Variants in STK3 observed in about 807,000 individuals in gnomAD.
STK3 encodes serine/threonine-protein kinase 3.
In STK3, 41 loss-of-function variants were observed where a neutral mutation model predicts 58.0. That is an observed-to-expected ratio of 0.71 (90% CI 0.55 to 0.92). The LOEUF is 0.92. Ranked by LOEUF, STK3 falls within the 40% of genes least tolerant of loss-of-function variation. The pLI, the probability that STK3 is intolerant of heterozygous loss-of-function variation, is 0.00. For missense variants in STK3, 479 were observed against 602.7 expected, an observed-to-expected ratio of 0.79 and a Z score of 2.15; for synonymous variants, 170 against 191.0, an observed-to-expected ratio of 0.89 and a Z score of 0.91.
intron 1 of STK3, among the ~76,000 whole-genome samples, chr8:98,900,788 A>G (rs977672917): frequency 6.6e-6 from 1 of 151,400 alleles, no homozygotes; most frequent in Non-Finnish European, 1.5e-5. Context: ...CAGCCTCCCA[A>G]GTAGCTGGGA....
intron 10 of STK3, among the ~76,000 whole-genome samples, chr8:98,459,001 G>A (rs1819723356): frequency 6.6e-6 from 1 of 152,174 alleles, no homozygotes; most frequent in South Asian, 2.1e-4. Flanking sequence ...AAATGTGGAA[G>A]CAACTTTGGA....
At chr8:98,852,143 T>C (rs1836494542) in intron 3 of STK3, among the ~76,000 whole-genome samples, 2 of 148,056 alleles carry the variant, frequency 1.4e-5, no homozygotes, top group South Asian at 4.2e-4. Flanking sequence ...CTAATTTTCT[T>C]TTTTTTTTTT....
intron 1 of STK3, chr8:98,778,877 T>C (rs1831900430): frequency 3.3e-5 from 5 of 151,876 alleles, no homozygotes; most frequent in Admixed American, 6.6e-5. Context: ...CCGGGGACGG[T>C]TGTGGGGTGG....
At chr8:98,885,332 G>A (rs544351872) in intron 1 of STK3, among the ~76,000 whole-genome samples, 1 of 152,328 alleles carries the variant, frequency 6.6e-6, no homozygotes. Flanking sequence ...TAGCCATATG[G>A]AAGCCAAACT....
At chr8:98,587,053 T>C (rs1404776804) in intron 7 of STK3, among the ~76,000 whole-genome samples, 1 of 152,154 alleles carries the variant, frequency 6.6e-6, no homozygotes, top group African/African-American at 2.4e-5. Context: ...AACCAGCTCC[T>C]GGATTCGTTA....
At chr8:98,563,286 T>C (rs536336986) in intron 8 of STK3, among the ~76,000 whole-genome samples, 11 of 152,222 alleles carry the variant, frequency 7.2e-5, no homozygotes, top group East Asian at 3.9e-4. Flanking sequence ...TTTCTCACCA[T>C]TGGAGTTGTA....
At chr8:98,859,322 A>G (rs1158146758) in intron 3 of STK3, among the ~76,000 whole-genome samples, 1 of 152,242 alleles carries the variant, frequency 6.6e-6, no homozygotes, top group Non-Finnish European at 1.5e-5. Flanking sequence ...TGAAAATGAT[A>G]CTACATTTTT....
intron 6 of STK3, among the ~76,000 whole-genome samples, chr8:98,651,119 C>G (rs1269873351): frequency 3.3e-5 from 5 of 152,208 alleles, no homozygotes; most frequent in Admixed American, 1.3e-4. Context: ...ACACCTCACA[C>G]GGCCGGGTAC....
chr8:98,941,882 G>A (rs1421605986), intron 1 of STK3, among the ~76,000 whole-genome samples: 1 of 152,248 alleles, frequency 6.6e-6, no homozygotes, highest in East Asian at 1.9e-4. Flanking sequence ...AGATGACCGG[G>A]TCAGCGGAAA....
At chr8:98,403,587 C>A (rs554076886) in intron 3 of STK3, among the ~76,000 whole-genome samples, 7 of 152,128 alleles carry the variant, frequency 4.6e-5, no homozygotes, top group African/African-American at 1.7e-4. Flanking sequence ...ATTGATCCAC[C>A]AATTCCCACC....
At chr8:98,370,985 C>T (rs1241719822), downstream of STK3, among the ~76,000 whole-genome samples, 1 of 152,148 alleles carries the variant, frequency 6.6e-6, no homozygotes, top group Non-Finnish European at 1.5e-5. Flanking sequence ...AACACTTACA[C>T]TATATTTTAG....
intron 6 of STK3, among the ~76,000 whole-genome samples, chr8:98,620,907 T>C (rs1403566846): frequency 6.6e-6 from 1 of 151,494 alleles, no homozygotes; most frequent in Non-Finnish European, 1.5e-5. Flanking sequence ...ATTGTTAATG[T>C]ACACAGAAAA....
At chr8:98,417,631 T>C (rs535871320) in intron 3 of STK3, among the ~76,000 whole-genome samples, 1 of 152,348 alleles carries the variant, frequency 6.6e-6, no homozygotes, top group East Asian at 1.9e-4. Context: ...GTACTCAACC[T>C]TTCTGTGCCT....
chr8:98,797,092 G>T (rs1833227420), intron 1 of STK3, among the ~76,000 whole-genome samples: 1 of 152,184 alleles, frequency 6.6e-6, no homozygotes, highest in Non-Finnish European at 1.5e-5. Flanking sequence ...AGTCCTAGAT[G>T]ACACCATCTT....
intron 6 of STK3, among the ~76,000 whole-genome samples, chr8:98,607,810 G>T (rs1233797411): frequency 6.6e-6 from 1 of 152,148 alleles, no homozygotes; most frequent in Admixed American, 6.5e-5. Context: ...AACACAGATG[G>T]TTTTTGATAA....
chr8:98,423,769 C>T (rs191448876), intron 3 of STK3, among the ~76,000 whole-genome samples: 16 of 152,314 alleles, frequency 1.1e-4, no homozygotes, highest in Middle Eastern at 3.4e-3. Flanking sequence ...AGTGCAGCCC[C>T]CTCGCCTGTC....
chr8:98,795,676 A>G (rs1833111577), intron 1 of STK3, among the ~76,000 whole-genome samples: 2 of 152,212 alleles, frequency 1.3e-5, no homozygotes, highest in Admixed American at 1.3e-4. Context: ...TGGAACTGAT[A>G]AACTACTTGA....
upstream of STK3, among the ~76,000 whole-genome samples, chr8:98,830,104 C>A (rs2131779198): frequency 6.6e-6 from 1 of 152,246 alleles, no homozygotes; most frequent in Non-Finnish European, 1.5e-5. Flanking sequence ...TGGTGGGCAC[C>A]TGTAGTCCCA....
At chr8:98,907,432 G>C (rs930188527) in intron 1 of STK3, among the ~76,000 whole-genome samples, 1 of 151,706 alleles carries the variant, frequency 6.6e-6, no homozygotes, top group African/African-American at 2.4e-5. Context: ...AGAATCCCTT[G>C]AACCTGGGAG....
Sources: gnomAD v4.1 joint callset for allele counts (sites outside exome capture counted in the v4.1 genomes callset) on GRCh38, gnomAD v4.1.1 for gene constraint, MANE v1.5 for transcripts, NCBI Gene and HGNC (gene_info 2026-07-23, HGNC 2026-07-21) for gene names.